TBCK: variants seen among roughly 807,000 people sequenced by gnomAD.
TBCK encodes the protein TBC domain-containing protein kinase-like protein.
A neutral mutation model predicts 113.4 loss-of-function variants in TBCK; 99 were observed. That is an observed-to-expected ratio of 0.87 (90% CI 0.74 to 1.03). The LOEUF (loss-of-function observed/expected upper bound fraction) is 1.03, where lower values mean the gene tolerates loss of function less well. Ranked by LOEUF, TBCK falls within the 50% of genes least tolerant of loss-of-function variation. The pLI is 0.00. For synonymous variants in TBCK, 369 were observed against 370.8 expected, an observed-to-expected ratio of 1.00 and a Z score of 0.05; for missense variants, 1,045 against 1,061.3, an observed-to-expected ratio of 0.98 and a Z score of 0.21.
intron 2 of TBCK, among the ~76,000 whole-genome samples, chr4:106,298,301 C>T (rs187411656): frequency 6.0e-4 from 92 of 152,106 alleles, no homozygotes; most frequent in Non-Finnish European, 8.8e-5. Context: ...AATCTCTCAC[C>T]AGCAATTAAT....
At chr4:106,126,030 T>A (rs1162471298) in intron 23 of TBCK, among the ~76,000 whole-genome samples, 1 of 152,244 alleles carries the variant, frequency 6.6e-6, no homozygotes, top group Non-Finnish European at 1.5e-5. Flanking sequence ...CCCCTCACCA[T>A]CTTGTCCCTT....
intron 23 of TBCK, among the ~76,000 whole-genome samples, chr4:106,168,259 T>A (rs1435340951): frequency 2.0e-5 from 3 of 151,844 alleles, no homozygotes; most frequent in Non-Finnish European, 4.4e-5. Context: ...ATCATACAAA[T>A]AGATACAGGA....
At chr4:106,163,599 G>A (rs1433881597) in intron 23 of TBCK, 1 of 152,152 alleles carries the variant, frequency 6.6e-6, no homozygotes, top group Non-Finnish European at 1.5e-5. Flanking sequence ...AATCATGGTA[G>A]AATGGGAAGC....
At chr4:106,187,049 G>A (rs1284508411) in intron 22 of TBCK, among the ~76,000 whole-genome samples, 1 of 152,118 alleles carries the variant, frequency 6.6e-6, no homozygotes, top group African/African-American at 2.4e-5. Context: ...GATGGCTGTA[G>A]GTGTGTGGCT....
chr4:106,284,010 T>C (rs1764880043), intron 3 of TBCK, among the ~76,000 whole-genome samples: 1 of 152,118 alleles, frequency 6.6e-6, no homozygotes, highest in African/African-American at 2.4e-5. Context: ...TAGTAAGATA[T>C]AAGGTACAAG....
At chr4:106,047,500 C>A (rs905751027) in intron 25 of TBCK, among the ~76,000 whole-genome samples, 1 of 152,122 alleles carries the variant, frequency 6.6e-6, no homozygotes, top group East Asian at 1.9e-4. Context: ...TCAATAGTAA[C>A]CCCCACACAT....
intron 2 of TBCK, among the ~76,000 whole-genome samples, chr4:106,306,484 T>G (rs1479613105): frequency 1.3e-5 from 2 of 152,064 alleles, no homozygotes; most frequent in African/African-American, 2.4e-5. Flanking sequence ...ATTACTGTAT[T>G]ATTTAATATT....
chr4:106,213,837 C>G (rs1182001268), intron 19 of TBCK: 1 of 154,924 alleles, frequency 6.5e-6, no homozygotes, highest in Non-Finnish European at 1.4e-5. Flanking sequence ...ACAAAGCAGC[C>G]CGGAAGCTCG....
intron 11 of TBCK, 31 bp from the exon 12 acceptor site, chr4:106,242,600 C>G (rs754840099): frequency 1.4e-6 from 2 of 1,464,100 alleles, no homozygotes; most frequent in Non-Finnish European, 9.3e-7. Flanking sequence ...ATAATATGTA[C>G]ACAAAATCCA....
intron 24 of TBCK, among the ~76,000 whole-genome samples, chr4:106,112,760 C>T (rs552803988): frequency 6.6e-6 from 1 of 152,272 alleles, no homozygotes; most frequent in South Asian, 2.1e-4. Flanking sequence ...GGCCCACTGG[C>T]TTATGACCAT....
chr4:106,120,265 A>T (rs570312256), intron 23 of TBCK, among the ~76,000 whole-genome samples: 1 of 152,150 alleles, frequency 6.6e-6, no homozygotes, highest in Non-Finnish European at 1.5e-5. Flanking sequence ...GACCCCCTTA[A>T]AAAACGGCGC....
intron 20 of TBCK, among the ~76,000 whole-genome samples, chr4:106,207,041 C>T (rs746916368): frequency 1.3e-4 from 20 of 152,126 alleles, no homozygotes; most frequent in Non-Finnish European, 2.5e-4. Context: ...ATCATACTTT[C>T]CTGATCTCAT....
chr4:106,083,730 A>G (rs111911361), intron 25 of TBCK, among the ~76,000 whole-genome samples: 4,182 of 152,234 alleles, frequency 0.027, 188 homozygotes, highest in African/African-American at 0.096. Context: ...CAGAAGATGG[A>G]GCAGGCACCC....
intron 19 of TBCK, among the ~76,000 whole-genome samples, chr4:106,217,274 A>T (rs953744630): frequency 2.0e-5 from 3 of 152,170 alleles, no homozygotes; most frequent in Admixed American, 1.3e-4. Flanking sequence ...CTGAATGGGC[A>T]AAAACTGGAA....
chr4:106,110,997 A>AG (rs931468335), intron 24 of TBCK, among the ~76,000 whole-genome samples: 2 of 151,854 alleles, frequency 1.3e-5, no homozygotes, highest in Non-Finnish European at 2.9e-5. Flanking sequence ...AGAGCTAAAA[A>AG]AAAAAAAGCA....
rs1469257695 is a variant in TBCK, at chr4:106,295,153, G to A, written c.207C>T (p.Val69=). ...GACTACGTTCACAATGTTCAGCCAC[G>A]ACCACTAGTCGTTCTGAGAAAAACA... The part of the protein sequence containing the change: ...ISRGKHERLV[V]VAEHCERSLE... Residue 69 remains valine, a synonymous_variant, in exon 3 of 26, where the codon GTC becomes GTT. Transcript: ENST00000394708. The A allele has an allele frequency of 4.3e-6, 7 of 1,612,346 alleles. No homozygotes were observed. The highest frequency in any genetic ancestry group is 2.2e-5 in the East Asian group (1 of 44,842).
At chr4:106,048,807 G>C (rs144188340) in intron 25 of TBCK, among the ~76,000 whole-genome samples, 4 of 152,144 alleles carry the variant, frequency 2.6e-5, no homozygotes, top group African/African-American at 9.6e-5. Context: ...GCTGGAAAGA[G>C]TTCTGTTATT....
intron 3 of TBCK, among the ~76,000 whole-genome samples, chr4:106,288,523 T>C (rs1260458343): frequency 6.6e-6 from 1 of 152,202 alleles, no homozygotes; most frequent in African/African-American, 2.4e-5. Flanking sequence ...GATACAAAAA[T>C]GTTCATCCCC....
chr4:106,141,820 C>T (rs545780405), intron 23 of TBCK, among the ~76,000 whole-genome samples: 1 of 140,576 alleles, frequency 7.1e-6, no homozygotes, highest in East Asian at 2.0e-4. Flanking sequence ...AAGTTTAATT[C>T]AATCACAATA....
Sources: gnomAD v4.1 joint callset for allele counts (sites outside exome capture counted in the v4.1 genomes callset) on GRCh38, gnomAD v4.1.1 for gene constraint, MANE v1.5 for transcripts, NCBI Gene and HGNC (gene_info 2026-07-23, HGNC 2026-07-21) for gene names.